KIAA0586: variants seen among roughly 807,000 people sequenced by gnomAD.
KIAA0586 encodes protein TALPID3.
KIAA0586 carries 144 observed loss-of-function variants against 169.8 expected under a neutral mutation model. That is an observed-to-expected ratio of 0.85 (90% CI 0.74 to 0.97). The LOEUF is 0.97. KIAA0586 is among the 50% of genes least tolerant of loss of function. KIAA0586 has a pLI of 0.00. For synonymous variants in KIAA0586, 625 were observed against 612.4 expected, an observed-to-expected ratio of 1.02 and a Z score of -0.30; for missense variants, 1,854 against 1,823.0, an observed-to-expected ratio of 1.02 and a Z score of -0.31.
At chr14:58,531,256 G>A (rs1746528888) in intron 29 of KIAA0586, among the ~76,000 whole-genome samples, 1 of 151,198 alleles carries the variant, frequency 6.6e-6, no homozygotes, top group African/African-American at 2.4e-5. Context: ...GAACCCAGAA[G>A]GCAGAGCTTG....
chr14:58,431,448 G>C (rs1274351002), intron 3 of KIAA0586, among the ~76,000 whole-genome samples: 1 of 150,912 alleles, frequency 6.6e-6, no homozygotes, highest in Admixed American at 6.6e-5. Flanking sequence ...TTTTTTTTTT[G>C]TAGAGACAGG....
chr14:58,455,888 T>C (rs1448391442), intron 9 of KIAA0586, among the ~76,000 whole-genome samples: 1 of 152,178 alleles, frequency 6.6e-6, no homozygotes, highest in Non-Finnish European at 1.5e-5. Context: ...CATGACCTTC[T>C]AGATTCCTAG....
At chr14:58,508,272 A>C (rs1411671979) in intron 27 of KIAA0586, among the ~76,000 whole-genome samples, 1 of 152,220 alleles carries the variant, frequency 6.6e-6, no homozygotes, top group African/African-American at 2.4e-5. Flanking sequence ...AAGAGTTCGT[A>C]TGTGGGAAGG....
intron 2 of KIAA0586, 133 bp downstream of exon 2, chr14:58,429,566 A>T: frequency 1.5e-6 from 1 of 653,456 alleles, no homozygotes; most frequent in Non-Finnish European, 2.8e-6. Context: ...CAAATGTTTT[A>T]TATACTACAA....
At position 58,482,703 on chromosome 14, in the gene KIAA0586, A is replaced by C; in HGVS notation, c.3135A>C (p.Thr1045=). 3 of 1,561,376 alleles carry C rather than the reference A, an allele frequency of 1.9e-6. No individual in the cohort carries two copies. In the Middle Eastern group the frequency reaches 5.2e-4, roughly 268 times the overall value. Residue 1045 remains threonine (T), a synonymous_variant, in exon 21 of 31, where the codon ACA becomes ACC. Transcript: ENST00000652326. Reference sequence around the variant, plus strand: ...CTGGGGATGCTTCAACAAATGAAACATATTTGCCGGTATGGGGAATTTTTG... The same window carrying C: ...CTGGGGATGCTTCAACAAATGAAACCTATTTGCCGGTATGGGGAATTTTTG... The part of the protein sequence containing the change: ...GVSGDASTNE[T]YLPARVCTPL...
chr14:58,428,445 T>G lies in KIAA0586; in HGVS notation c.181T>G (p.Leu61Val). Residue 61 changes from leucine (L) to valine (V), a missense_variant, in exon 1 of 31, where the codon TTG (leucine) becomes GTG (valine). Transcript: ENST00000652326. ...KRLPVGTGTS[L>V]NGTSRGSSDL... The stretch of plus-strand genomic sequence containing the variant: ...TCTTCCTGTTGGAACGGGGACTAGT[T>G]TGAATGGAACATCACGTGGTATGTG... The G allele has an allele frequency of 2.5e-6, 4 of 1,613,160 alleles. No individual in the cohort carries two copies. The highest frequency in any genetic ancestry group is 3.4e-6 in the Non-Finnish European group (4 of 1,179,110).
At chr14:58,543,261 C>G (rs1156407874) in intron 30 of KIAA0586, among the ~76,000 whole-genome samples, 1 of 151,850 alleles carries the variant, frequency 6.6e-6, no homozygotes, top group East Asian at 1.9e-4. Flanking sequence ...TCCCTCTTAC[C>G]TTTTACCTAT....
chr14:58,485,514 T>C (rs774870926), intron 21 of KIAA0586, among the ~76,000 whole-genome samples: 7 of 152,148 alleles, frequency 4.6e-5, no homozygotes, highest in Non-Finnish European at 1.0e-4. Flanking sequence ...AGTCCTTTAA[T>C]AGAGCAGTCC....
intron 6 of KIAA0586, among the ~76,000 whole-genome samples, chr14:58,446,474 G>A (rs1030904184): frequency 6.6e-6 from 1 of 151,960 alleles, no homozygotes. Flanking sequence ...TCCAGCCTGG[G>A]TGACAGAGCA....
chr14:58,453,474 G>A lies in KIAA0586; in HGVS notation c.1253+1G>A. 2.7e-6 allele frequency: 4 copies of A among 1,493,978 alleles called. No homozygotes were observed. Among genetic ancestry groups the A allele is most frequent in the Non-Finnish European group, 3.5e-6 (4 of 1,126,828 alleles). 92.5% of individuals were successfully genotyped at this position (1,493,978 alleles called of 1,614,324 possible). The stretch of plus-strand genomic sequence containing the variant: ...GATGGACTCCTGAGAAAACAAACAG[G>A]TAAAAACAAGAGATTGGAATGAAAA... On this transcript the variant is annotated splice_donor_variant, in intron 9 of 30. Transcript: ENST00000652326. LOFTEE classifies it high-confidence loss of function.
At chr14:58,488,999 G>T in intron 24 of KIAA0586, 125 bp downstream of exon 24, 1 of 927,764 alleles carries the variant, frequency 1.1e-6, no homozygotes, top group South Asian at 1.8e-5. Context: ...GAAAGAATAG[G>T]GGACTCAATG....
chr14:58,455,192 G>A (rs907723068), intron 9 of KIAA0586, among the ~76,000 whole-genome samples: 1 of 152,068 alleles, frequency 6.6e-6, no homozygotes, highest in Admixed American at 6.5e-5. Context: ...TTAAAAAAAT[G>A]TTTTCTATCT....
At chr14:58,518,340 A>G (rs1181193267) in intron 29 of KIAA0586, among the ~76,000 whole-genome samples, 2 of 152,214 alleles carry the variant, frequency 1.3e-5, no homozygotes, top group Non-Finnish European at 2.9e-5. Flanking sequence ...TTTTCAATAC[A>G]GTTAAATTGG....
At chr14:58,502,618 G>T (rs556749569) in intron 27 of KIAA0586, among the ~76,000 whole-genome samples, 1 of 152,244 alleles carries the variant, frequency 6.6e-6, no homozygotes, top group South Asian at 2.1e-4. Context: ...TCTCATTATG[G>T]TTATTAGGTA....
At position 58,492,143 on chromosome 14, in the gene KIAA0586, G is replaced by A. The variant is rs2042874097; in HGVS notation, c.3859-1G>A. Reference sequence around the variant, plus strand: ...ATTAATTGTCTTTATGTTTCTTTTAGGAGGATGATCCTCCTAGTGAAGGGC... The same window carrying A: ...ATTAATTGTCTTTATGTTTCTTTTAAGAGGATGATCCTCCTAGTGAAGGGC... On this transcript the variant is annotated splice_acceptor_variant, in intron 25 of 30. Transcript: ENST00000652326. LOFTEE classifies it high-confidence loss of function. The A allele has an allele frequency of 6.6e-7, 1 of 1,512,278 alleles. No homozygotes were observed. Among genetic ancestry groups the A allele is most frequent in the Non-Finnish European group, 8.8e-7 (1 of 1,132,054 alleles). 93.7% of individuals were successfully genotyped at this position (1,512,278 alleles called of 1,614,324 possible).
chr14:58,484,899 T>TATATTTATATATATTTTTATATATATATA (rs2042292804), intron 21 of KIAA0586, among the ~76,000 whole-genome samples: 1 of 3,338 alleles, frequency 3.0e-4, no homozygotes, highest in Non-Finnish European at 8.5e-4. Flanking sequence ...TTTATATATA[T>TATATTTATATATATTTTTATATATATATA]ATATATATAT....
rs1361739769 is a variant in KIAA0586, at chr14:58,548,267, C to G, written c.*335C>G. On this transcript the variant is annotated 3_prime_UTR_variant, in exon 31 of 31. Transcript: ENST00000652326. ...ATTATGTAGCTCAAGGTTATTCATT[C>G]TAACATTTTTATAACAGCAAATAGA... 2 of 192,446 alleles carry G rather than the reference C, an allele frequency of 1.0e-5. No individual in the cohort carries two copies. The highest frequency in any genetic ancestry group is 2.5e-4 in the East Asian group (2 of 8,074). The allele number at this position is 192,446 out of a possible 1,614,324, so 11.9% of individuals were successfully genotyped here.
At chr14:58,502,626 G>A (rs2043651467) in intron 27 of KIAA0586, among the ~76,000 whole-genome samples, 1 of 152,118 alleles carries the variant, frequency 6.6e-6, no homozygotes, top group South Asian at 2.1e-4. Flanking sequence ...TGGTTATTAG[G>A]TACATGTATT....
chr14:58,501,568 C>T (rs1291531925), intron 27 of KIAA0586, among the ~76,000 whole-genome samples: 1 of 151,556 alleles, frequency 6.6e-6, no homozygotes, highest in Admixed American at 6.6e-5. Context: ...TAGCAGATTA[C>T]CTATAGTACA....
Sources: gnomAD v4.1 joint callset for allele counts (sites outside exome capture counted in the v4.1 genomes callset) on GRCh38, gnomAD v4.1.1 for gene constraint, MANE v1.5 for transcripts, NCBI Gene and HGNC (gene_info 2026-07-23, HGNC 2026-07-21) for gene names.